Variants in CCDC148 observed in about 807,000 individuals in gnomAD.
CCDC148 encodes the protein coiled-coil domain-containing protein 148.
CCDC148 carries 89 observed loss-of-function variants against 85.7 expected under a neutral mutation model. The ratio of observed to expected loss-of-function variants is 1.04; its 90% confidence interval spans 0.87 to 1.24. The LOEUF (loss-of-function observed/expected upper bound fraction) is 1.24, where lower values mean the gene tolerates loss of function less well. CCDC148 is among the 50% of genes most tolerant of loss of function. CCDC148 has a pLI of 0.00. For missense variants in CCDC148, 692 were observed against 671.7 expected, an observed-to-expected ratio of 1.03 and a Z score of -0.33; for synonymous variants, 230 against 213.9, an observed-to-expected ratio of 1.08 and a Z score of -0.66.
At chr2:158,447,858 C>G (rs1688225846) in intron 1 of CCDC148, among the ~76,000 whole-genome samples, 1 of 151,968 alleles carries the variant, frequency 6.6e-6, no homozygotes, top group Admixed American at 6.6e-5. Flanking sequence ...ACTTTCTTAC[C>G]AGTATCTTTT....
rs762309610 is a variant in CCDC148, at chr2:158,406,630, T to TTTTTG, written c.26-48061_26-48060insCAAAA. On this transcript the variant is annotated intron_variant, in intron 1 of 13. Transcript: ENST00000283233. ...TTAAATTTCTTTTTTTTTTTTTTTTTTTTTTTTTTTGAGACAGTGTCTCCC... is the reference window on the plus strand; with the variant it reads ...TTAAATTTCTTTTTTTTTTTTTTTTTTTTTGTTTTTTTTTTGAGACAGTGTCTCCC... Among the ~76,000 whole-genome samples the TTTTTG allele has an allele frequency of 1.5e-4, 21 of 136,758 alleles. 1 individual carries two copies. Among genetic ancestry groups the TTTTTG allele is most frequent in the Admixed American group, 2.9e-4 (4 of 13,798 alleles). The allele number at this position is 136,758 out of a possible 152,430, so 89.7% of individuals were successfully genotyped here.
At position 158,309,585 on chromosome 2, in the gene CCDC148, T is replaced by C. The variant is rs533489653; in HGVS notation, c.958A>G (p.Ile320Val). 334 of 1,614,016 alleles carry C rather than the reference T, an allele frequency of 2.1e-4. 3 individuals carry two copies. The South Asian group carries it at 3.5e-3, about 17-fold the overall frequency. ...QYRFAIEQQN[I>V]LISNWNKNKK... ...TTTTTATTCCAATTTGATATCAGGA[T>C]ATTTTGCTGCTCTATAGCAAAGCGA... The change falls in exon 9 of 14, where the codon ATC becomes GTC. Residue 320 changes from isoleucine (I) to valine (V), a missense_variant. Coordinates refer to ENST00000283233, the MANE Select transcript of CCDC148 (RefSeq NM_138803.4).
intron 7 of CCDC148, 43 bp from the exon 8 acceptor site, chr2:158,313,937 T>C (rs1475781489): frequency 6.3e-7 from 1 of 1,583,034 alleles, no homozygotes; most frequent in Non-Finnish European, 8.6e-7. Context: ...TGAGCAATCA[T>C]GAAATTTGAG....
At chr2:158,268,954 C>T (rs918405833) in intron 9 of CCDC148, among the ~76,000 whole-genome samples, 2 of 152,156 alleles carry the variant, frequency 1.3e-5, no homozygotes, top group Admixed American at 6.5e-5. Context: ...GCCACAATTG[C>T]TTGATCCTTT....
At chr2:158,187,412 C>T (rs527276105) in intron 11 of CCDC148, among the ~76,000 whole-genome samples, 44 of 152,020 alleles carry the variant, frequency 2.9e-4, no homozygotes, top group African/African-American at 8.9e-4. Flanking sequence ...TTTTCAGACA[C>T]CATCTTTTTT....
intron 10 of CCDC148, among the ~76,000 whole-genome samples, chr2:158,228,937 T>C (rs1469794768): frequency 8.3e-5 from 12 of 144,702 alleles, no homozygotes; most frequent in Non-Finnish European, 1.5e-4. Context: ...TGTGCACATG[T>C]ACCATAAAAC....
intron 11 of CCDC148, among the ~76,000 whole-genome samples, chr2:158,185,711 C>T (rs1445412305): frequency 1.3e-5 from 2 of 152,098 alleles, no homozygotes; most frequent in East Asian, 1.9e-4. Context: ...AAAACTATTT[C>T]TGCCACAACT....
chr2:158,438,791 C>T (rs1197899974), intron 1 of CCDC148, among the ~76,000 whole-genome samples: 1 of 152,134 alleles, frequency 6.6e-6, no homozygotes, highest in African/African-American at 2.4e-5. Context: ...AAAAAACGAA[C>T]AACCCCATCA....
At chr2:158,244,531 G>A (rs893279631) in intron 10 of CCDC148, among the ~76,000 whole-genome samples, 1 of 152,044 alleles carries the variant, frequency 6.6e-6, no homozygotes, top group Admixed American at 6.6e-5. Flanking sequence ...CTGGCCATCA[G>A]CCCGGGCCAC....
intron 13 of CCDC148, among the ~76,000 whole-genome samples, chr2:158,175,205 A>G (rs1251351970): frequency 2.6e-5 from 4 of 151,946 alleles, no homozygotes; most frequent in Non-Finnish European, 5.9e-5. Context: ...CAGCGGCCTG[A>G]GACTTTTTAG....
chr2:158,188,594 A>C (rs1685266505), intron 11 of CCDC148, among the ~76,000 whole-genome samples: 1 of 151,986 alleles, frequency 6.6e-6, no homozygotes, highest in Non-Finnish European at 1.5e-5. Context: ...AAATTAACTC[A>C]AGATGGATTA....
Position 158,456,487 on chromosome 2 carries a change from A to T in CCDC148, c.-48T>A. The T allele has an allele frequency of 6.3e-7, 1 of 1,598,276 alleles. No homozygotes were observed. The highest frequency in any genetic ancestry group is 1.1e-5 in the South Asian group (1 of 88,168). ...CTCAGGGACTCCCCAAACGCAGGAA[A>T]AGTGAAACGCCCACTCCTGGGCTCT... On this transcript the variant is annotated 5_prime_UTR_variant, in exon 1 of 14. Coordinates refer to ENST00000283233, the MANE Select transcript of CCDC148 (RefSeq NM_138803.4).
intron 1 of CCDC148, among the ~76,000 whole-genome samples, chr2:158,431,097 A>G (rs1237064978): frequency 6.6e-6 from 1 of 152,026 alleles, no homozygotes; most frequent in Non-Finnish European, 1.5e-5. Context: ...AGATAATACC[A>G]AGAATACTAA....
At chr2:158,315,051 G>GA (rs777438306) in intron 7 of CCDC148, among the ~76,000 whole-genome samples, 3 of 151,964 alleles carry the variant, frequency 2.0e-5, no homozygotes, top group Admixed American at 1.3e-4. Context: ...ATAATAGGGG[G>GA]AAAAAAAGAG....
At chr2:158,319,659 T>C (rs925114312) in intron 7 of CCDC148, among the ~76,000 whole-genome samples, 1 of 152,240 alleles carries the variant, frequency 6.6e-6, no homozygotes. Flanking sequence ...GGATTGGGTA[T>C]TCTCTTATAG....
chr2:158,392,268 C>T (rs183279594), intron 1 of CCDC148, among the ~76,000 whole-genome samples: 2 of 152,130 alleles, frequency 1.3e-5, no homozygotes, highest in Non-Finnish European at 2.9e-5. Context: ...GAAAACAATA[C>T]AGTCTCTATT....
rs538323926 is a variant in CCDC148, at chr2:158,423,416, A to T, written c.25+32999T>A. On this transcript the variant is annotated intron_variant, in intron 1 of 13. Coordinates refer to ENST00000283233, the MANE Select transcript of CCDC148 (RefSeq NM_138803.4). ...CAATGGAATAGAAATAATACCACACATCTACAACCACCTGATCTTTGACAA... is the reference window on the plus strand; with the variant it reads ...CAATGGAATAGAAATAATACCACACTTCTACAACCACCTGATCTTTGACAA... Among the ~76,000 whole-genome samples, 3 of 152,164 alleles carry T rather than the reference A, an allele frequency of 2.0e-5. No homozygotes were observed. The South Asian group carries it at 6.2e-4, about 32-fold the overall frequency.
At chr2:158,402,578 T>C (rs1469600942) in intron 1 of CCDC148, among the ~76,000 whole-genome samples, 1 of 152,028 alleles carries the variant, frequency 6.6e-6, no homozygotes, top group Non-Finnish European at 1.5e-5. Context: ...AGCCTTCAGT[T>C]GGGGATTATA....
intron 1 of CCDC148, among the ~76,000 whole-genome samples, chr2:158,443,427 C>T (rs1283740600): frequency 1.3e-5 from 2 of 148,968 alleles, no homozygotes; most frequent in Non-Finnish European, 3.0e-5. Flanking sequence ...TCATTTGAGC[C>T]TGGGAGATCA....
Sources: gnomAD v4.1 joint callset for allele counts (sites outside exome capture counted in the v4.1 genomes callset) on GRCh38, gnomAD v4.1.1 for gene constraint, MANE v1.5 for transcripts, NCBI Gene and HGNC (gene_info 2026-07-23, HGNC 2026-07-21) for gene names.